The following SUPT16H variants were observed in gnomAD, a reference collection of about 807,000 sequenced individuals.
SUPT16H encodes FACT complex subunit SPT16.
SUPT16H carries 24 observed loss-of-function variants against 136.2 expected under a neutral mutation model. The observed-to-expected ratio is 0.18, with a 90% confidence interval of 0.13 to 0.25. The LOEUF (loss-of-function observed/expected upper bound fraction) is 0.25, where lower values mean the gene tolerates loss of function less well. SUPT16H is among the 10% of genes least tolerant of loss of function. The pLI is 1.00. For missense variants in SUPT16H, 623 were observed against 1,270.2 expected, an observed-to-expected ratio of 0.49 and a Z score of 7.74; for synonymous variants, 415 against 428.2, an observed-to-expected ratio of 0.97 and a Z score of 0.38.
At chr14:21,353,930 A>G (rs2139393923) in intron 23 of SUPT16H, 98 bp from the exon 24 acceptor site, 2 of 1,152,674 alleles carry the variant, frequency 1.7e-6, no homozygotes, top group Non-Finnish European at 2.4e-6. Context: ...ATTTACATGA[A>G]GAAAACAAGA....
At chr14:21,374,733 A>T (rs1295200998) in intron 1 of SUPT16H, among the ~76,000 whole-genome samples, 1 of 152,192 alleles carries the variant, frequency 6.6e-6, no homozygotes, top group Admixed American at 6.5e-5. Flanking sequence ...CAGCTGCAGG[A>T]CACTTGGGTT....
chr14:21,383,763 G>A (rs541166696), intron 1 of SUPT16H, 99 bp downstream of exon 1: 1 of 1,404,616 alleles, frequency 7.1e-7, no homozygotes, highest in South Asian at 1.2e-5. Context: ...ACAGAACCCG[G>A]GAATTCCTGA....
At chr14:21,376,040 TTGTA>T (rs1886895043) in intron 1 of SUPT16H, among the ~76,000 whole-genome samples, 2 of 152,372 alleles carry the variant, frequency 1.3e-5, no homozygotes, top group East Asian at 3.9e-4. Flanking sequence ...ATTAATTTTT[TTGTA>T]TGGTCTGAGG....
At chr14:21,368,516 T>C in intron 6 of SUPT16H, 75 bp from the exon 7 acceptor site, 2 of 1,428,272 alleles carry the variant, frequency 1.4e-6, no homozygotes, top group South Asian at 1.5e-5. Flanking sequence ...GGACACGGTA[T>C]CAATAATCAT....
intron 14 of SUPT16H, 119 bp downstream of exon 14, chr14:21,362,674 TG>T (rs2139402811): frequency 8.5e-7 from 1 of 1,179,372 alleles, no homozygotes; most frequent in East Asian, 2.4e-5. Flanking sequence ...TGTCAGTAAC[TG>T]AACAGAGTCT....
chr14:21,377,876 G>A lies in SUPT16H; in HGVS notation c.67-4446C>T, dbSNP rs139850729. Among the ~76,000 whole-genome samples the A allele has an allele frequency of 3.8e-3, 573 of 152,250 alleles. 6 individuals are homozygous for A. The highest frequency in any genetic ancestry group is 5.8e-3 in the Non-Finnish European group (396 of 68,004). Reference sequence around the variant, plus strand: ...TGGCCTTAAGTGATCTGCCCACCTCGGCCTCCCAAAATGCTGATATTACAG... The same window carrying A: ...TGGCCTTAAGTGATCTGCCCACCTCAGCCTCCCAAAATGCTGATATTACAG... On this transcript the variant is annotated intron_variant, in intron 1 of 25. Coordinates refer to ENST00000216297, the MANE Select transcript of SUPT16H (RefSeq NM_007192.4).
At chr14:21,368,619 C>A (rs1886722074) in intron 6 of SUPT16H, among the ~76,000 whole-genome samples, 178 bp from the exon 7 acceptor site, 1 of 152,146 alleles carries the variant, frequency 6.6e-6, no homozygotes, top group Non-Finnish European at 1.5e-5. Flanking sequence ...TTTATAAAGG[C>A]TCTGGAGTAA....
chr14:21,378,736 A>C (rs893254394), intron 1 of SUPT16H, among the ~76,000 whole-genome samples: 1 of 152,206 alleles, frequency 6.6e-6, no homozygotes, highest in East Asian at 1.9e-4. Context: ...GTATATATAG[A>C]TATTATTTAG....
chr14:21,380,982 G>C (rs1887010106), intron 1 of SUPT16H, among the ~76,000 whole-genome samples: 1 of 151,686 alleles, frequency 6.6e-6, no homozygotes, highest in South Asian at 2.1e-4. Context: ...CCCATTTCCA[G>C]GAACCACCAC....
At chr14:21,361,327 T>TTG in intron 15 of SUPT16H, 114 bp from the exon 16 acceptor site, 1 of 1,336,650 alleles carries the variant, frequency 7.5e-7, no homozygotes, top group Non-Finnish European at 1.0e-6. Flanking sequence ...TTTTTTTTTT[T>TTG]TTTTTTTGAG....
intron 22 of SUPT16H, 33 bp downstream of exon 22, chr14:21,357,164 G>A (rs867870819): frequency 6.6e-7 from 1 of 1,517,544 alleles, no homozygotes; most frequent in Middle Eastern, 2.0e-4. Flanking sequence ...GGGCTCATGG[G>A]CTAAATGGGA....
At chr14:21,362,540 A>G (rs1432357160) in intron 14 of SUPT16H, among the ~76,000 whole-genome samples, 3 of 152,234 alleles carry the variant, frequency 2.0e-5, no homozygotes, top group Non-Finnish European at 4.4e-5. Context: ...GAATACAACT[A>G]AAAGTTAAAC....
At chr14:21,378,040 G>A (rs1430866670) in intron 1 of SUPT16H, among the ~76,000 whole-genome samples, 3 of 152,200 alleles carry the variant, frequency 2.0e-5, no homozygotes, top group Non-Finnish European at 2.9e-5. Context: ...CAGGCCTAAA[G>A]AGTAACCTAT....
chr14:21,357,486 T>C, intron 21 of SUPT16H, 120 bp from the exon 22 acceptor site: 1 of 1,122,548 alleles, frequency 8.9e-7, no homozygotes, highest in Non-Finnish European at 1.2e-6. Flanking sequence ...TTTTTGGTTT[T>C]TTTTTTGAAA....
intron 2 of SUPT16H, chr14:21,372,324 T>C: frequency 2.7e-6 from 1 of 373,018 alleles, no homozygotes. Context: ...ACGATTTGTG[T>C]TTATAGGAAG....
intron 7 of SUPT16H, 133 bp downstream of exon 7, chr14:21,368,135 TC>T (rs1886710154): frequency 1.2e-6 from 1 of 867,590 alleles, no homozygotes; most frequent in Admixed American, 2.6e-5. Flanking sequence ...CCCAGGCTGG[TC>T]TTGAACTCCT....
At position 21,362,815 on chromosome 14, in the gene SUPT16H, C is replaced by A. The variant is rs200061228; in HGVS notation, c.1644G>T (p.Pro548=). ...VIMPVFGIAT[P]FHIATIKNIS... is the part of the protein sequence containing the mutation. Reference sequence around the variant, plus strand: ...GTACCTTGATTGTGGCAATGTGAAACGGTGTTGCAATGCCAAACACGGGCA... The same window carrying A: ...GTACCTTGATTGTGGCAATGTGAAAAGGTGTTGCAATGCCAAACACGGGCA... The change falls in exon 14 of 26, where the codon CCG becomes CCT. Residue 548 remains proline, a synonymous_variant. Transcript: ENST00000216297. 1 of 1,607,464 alleles carries A rather than the reference C, an allele frequency of 6.2e-7. No individual in the cohort carries two copies. The highest frequency in any genetic ancestry group is 1.3e-5 in the African/African-American group (1 of 74,710).
chr14:21,372,997 G>A (rs1016739261), intron 2 of SUPT16H, among the ~76,000 whole-genome samples: 3 of 152,166 alleles, frequency 2.0e-5, no homozygotes, highest in Non-Finnish European at 4.4e-5. Context: ...AGGCTGGAGT[G>A]CAATGGTGCA....
intron 4 of SUPT16H, 114 bp downstream of exon 4, chr14:21,370,222 T>C: frequency 7.4e-7 from 1 of 1,351,016 alleles, no homozygotes; most frequent in Non-Finnish European, 1.0e-6. Flanking sequence ...GGGGATAAAA[T>C]GTAAACAAAC....
Sources: gnomAD v4.1 joint callset for allele counts (sites outside exome capture counted in the v4.1 genomes callset) on GRCh38, gnomAD v4.1.1 for gene constraint, MANE v1.5 for transcripts, NCBI Gene and HGNC (gene_info 2026-07-23, HGNC 2026-07-21) for gene names.